Variants in PREX2 observed in about 807,000 individuals in gnomAD.
PREX2 encodes the protein phosphatidylinositol 3,4,5-trisphosphate-dependent Rac exchanger 2 protein.
In PREX2, 107 loss-of-function variants were observed where a neutral mutation model predicts 203.2. The observed-to-expected ratio is 0.53, with a 90% CI of 0.45 to 0.62. The LOEUF (loss-of-function observed/expected upper bound fraction) is 0.62. PREX2 is among the 20% of genes least tolerant of loss of function. PREX2 has a pLI of 0.00. For synonymous variants in PREX2, 672 were observed against 663.6 expected (o/e 1.01, Z -0.19); for missense variants, 1,777 against 1,955.9 (o/e 0.91, Z 1.72).
chr8:67,991,495 C>G (rs1319168635), intron 1 of PREX2, among the ~76,000 whole-genome samples: 2 of 152,142 alleles, frequency 1.3e-5, no homozygotes, highest in Non-Finnish European at 2.9e-5. Flanking sequence ...AAAGGGGAAG[C>G]AAACACCTTC....
chr8:68,100,007 C>T (rs1281057430), intron 23 of PREX2, 164 bp downstream of exon 23: 5 of 758,218 alleles, frequency 6.6e-6, no homozygotes, highest in South Asian at 5.4e-5. Context: ...GCTTAACATC[C>T]ATTACCTCAT....
chr8:68,017,792 C>T (rs1374924186), intron 1 of PREX2, 54 bp from the exon 2 acceptor site: 12 of 1,407,684 alleles, frequency 8.5e-6, no homozygotes, highest in Non-Finnish European at 1.0e-5. Context: ...ACTCAACACC[C>T]AGTCATTTTA....
chr8:68,178,535 T>G (rs1220655950), intron 35 of PREX2, among the ~76,000 whole-genome samples: 1 of 152,172 alleles, frequency 6.6e-6, no homozygotes, highest in Admixed American at 6.5e-5. Context: ...TTGGATAGAT[T>G]GCAAAATTTT....
At chr8:67,965,603 T>G (rs1247784406) in intron 1 of PREX2, among the ~76,000 whole-genome samples, 1 of 152,152 alleles carries the variant, frequency 6.6e-6, no homozygotes, top group African/African-American at 2.4e-5. Flanking sequence ...TTCTATTGAT[T>G]GCTTAGGTGA....
intron 1 of PREX2, 115 bp from the exon 2 acceptor site, chr8:68,017,731 A>G: frequency 1.3e-6 from 1 of 791,230 alleles, no homozygotes; most frequent in Non-Finnish European, 2.1e-6. Context: ...ATTATACTCA[A>G]CAAATGGAGT....
intron 34 of PREX2, among the ~76,000 whole-genome samples, chr8:68,155,403 A>T (rs1009441211): frequency 6.6e-6 from 1 of 152,046 alleles, no homozygotes; most frequent in Non-Finnish European, 1.5e-5. Flanking sequence ...ATTTCCATTT[A>T]AAAAAAATCT....
intron 13 of PREX2, 82 bp downstream of exon 13, chr8:68,069,966 T>A (rs1226442834): frequency 1.4e-6 from 1 of 718,394 alleles, no homozygotes. Flanking sequence ...CAGCCAGAAC[T>A]TGTTGGCTTA....
chr8:68,047,114 A>G (rs76032349), intron 8 of PREX2, among the ~76,000 whole-genome samples: 2,258 of 152,122 alleles, frequency 0.015, 49 homozygotes, highest in African/African-American at 0.052. Context: ...AGAGCAGTGA[A>G]GGAACAAGGC....
intron 35 of PREX2, among the ~76,000 whole-genome samples, chr8:68,179,381 A>G (rs1217289840): frequency 6.6e-6 from 1 of 151,954 alleles, no homozygotes; most frequent in Non-Finnish European, 1.5e-5. Context: ...GGCCTATTAT[A>G]TATCTGTGTG....
At chr8:68,004,432 G>A (rs1807033719) in intron 1 of PREX2, among the ~76,000 whole-genome samples, 2 of 152,198 alleles carry the variant, frequency 1.3e-5, no homozygotes, top group African/African-American at 2.4e-5. Flanking sequence ...GCAATGGGTA[G>A]TTATTTCAAG....
At chr8:68,214,523 G>A (rs1812797822) in intron 37 of PREX2, among the ~76,000 whole-genome samples, 1 of 152,150 alleles carries the variant, frequency 6.6e-6, no homozygotes, top group South Asian at 2.1e-4. Context: ...AAAATCAAAT[G>A]AGCTCTCGTA....
Position 67,952,047 on chromosome 8 carries a change from G to A in PREX2, c.-348G>A, listed in dbSNP as rs950187812. On this transcript the variant is annotated 5_prime_UTR_variant, in exon 1 of 40. Transcript: ENST00000288368. ...AGGGTCGGAGTCACATGGATACAAA[G>A]CTTTTGATTAATGTCCAAGTCACTG... The A allele has an allele frequency of 1.4e-5, 3 of 213,886 alleles. No individual in the cohort carries two copies. Among genetic ancestry groups the A allele is most frequent in the African/African-American group, 2.3e-5 (1 of 43,436 alleles). The allele number at this position is 213,886 out of a possible 1,614,324, so 13.2% of individuals were successfully genotyped here.
At chr8:68,192,233 A>G (rs1422051371) in intron 36 of PREX2, 102 bp from the exon 37 acceptor site, 5 of 852,472 alleles carry the variant, frequency 5.9e-6, no homozygotes, top group Non-Finnish European at 7.1e-6. Context: ...TACCACCAAA[A>G]TGAAATAAAA....
intron 1 of PREX2, among the ~76,000 whole-genome samples, chr8:67,966,262 C>A (rs1417298816): frequency 6.6e-6 from 1 of 152,106 alleles, no homozygotes; most frequent in East Asian, 1.9e-4. Flanking sequence ...AAGAAAATGT[C>A]TGCTAACATT....
At chr8:67,965,075 A>G (rs1363839741) in intron 1 of PREX2, among the ~76,000 whole-genome samples, 1 of 152,142 alleles carries the variant, frequency 6.6e-6, no homozygotes, top group African/African-American at 2.4e-5. Flanking sequence ...TCAGGAAGGA[A>G]CAGTAGTTCA....
At chr8:67,996,618 G>C (rs1308147798) in intron 1 of PREX2, among the ~76,000 whole-genome samples, 1 of 151,918 alleles carries the variant, frequency 6.6e-6, no homozygotes, top group East Asian at 1.9e-4. Context: ...TTGTATTTTT[G>C]ATGGGGACAA....
intron 18 of PREX2, 52 bp downstream of exon 18, chr8:68,083,440 A>G (rs1809591977): frequency 7.3e-7 from 1 of 1,366,834 alleles, no homozygotes; most frequent in Non-Finnish European, 1.0e-6. Flanking sequence ...ATAGATAAGT[A>G]ACACAGAAAA....
At position 68,053,183 on chromosome 8, in the gene PREX2, A is replaced by G; in HGVS notation, c.1030A>G (p.Lys344Glu). Residue 344 changes from lysine to glutamate, a missense_variant, in exon 9 of 40, where the codon AAA (lysine) becomes GAA (glutamate). Lys to Glu is a moderately conservative substitution (Grantham distance 56, BLOSUM62 1). Transcript: ENST00000288368. The part of the protein sequence containing the change: ...AKNKWFVCMA[K>E]TPEEKHEWFE... Reference sequence around the variant, plus strand: ...AAATAAATGGTTTGTTTGTATGGCAAAAACACCTGAAGAGAAGCATGAATG... The same window carrying G: ...AAATAAATGGTTTGTTTGTATGGCAGAAACACCTGAAGAGAAGCATGAATG... 6.2e-7 allele frequency: 1 copy of G among 1,613,838 alleles called. No individual in the cohort carries two copies. The highest frequency in any genetic ancestry group is 1.3e-5 in the African/African-American group (1 of 75,042).
chr8:68,010,450 A>G (rs544797045), intron 1 of PREX2, among the ~76,000 whole-genome samples: 2 of 152,362 alleles, frequency 1.3e-5, no homozygotes, highest in East Asian at 3.9e-4. Context: ...AATAATAATC[A>G]TAACCACAGT....
Sources: gnomAD v4.1 joint callset for allele counts (sites outside exome capture counted in the v4.1 genomes callset) on GRCh38, gnomAD v4.1.1 for gene constraint, MANE v1.5 for transcripts, NCBI Gene and HGNC (gene_info 2026-07-23, HGNC 2026-07-21) for gene names.